COX7B2: variants seen among roughly 807,000 people sequenced by gnomAD.
COX7B2 encodes the protein cytochrome c oxidase subunit 7B2, also known as cytochrome c oxidase subunit 7B2, mitochondrial.
For synonymous variants in COX7B2, 37 were observed against 32.1 expected (o/e 1.15, Z -0.51); for missense variants, 109 against 95.9 (o/e 1.14, Z -0.57).
intron 2 of COX7B2, among the ~76,000 whole-genome samples, chr4:46,773,683 TG>T (rs1329246152): frequency 6.6e-6 from 1 of 152,162 alleles, no homozygotes; most frequent in Non-Finnish European, 1.5e-5. Context: ...GTTGCCTTGC[TG>T]GAATTTGAGC....
intron 1 of COX7B2, among the ~76,000 whole-genome samples, chr4:46,849,726 G>A (rs1716540780): frequency 6.6e-6 from 1 of 151,988 alleles, no homozygotes; most frequent in Non-Finnish European, 1.5e-5. Flanking sequence ...TAGGGTACAT[G>A]TGCACAACGT....
intron 2 of COX7B2, among the ~76,000 whole-genome samples, chr4:46,829,829 C>T (rs146656367): frequency 1.1e-4 from 16 of 152,184 alleles, no homozygotes; most frequent in Non-Finnish European, 2.2e-4. Context: ...CAAAATTAAA[C>T]TGAAGGGCAG....
intron 2 of COX7B2, among the ~76,000 whole-genome samples, chr4:46,814,497 T>G (rs369596166): frequency 6.6e-6 from 1 of 152,100 alleles, no homozygotes. Context: ...TATACAACAT[T>G]TATAGCCAAA....
chr4:46,825,944 AG>A (rs1352122757), intron 2 of COX7B2, among the ~76,000 whole-genome samples: 1 of 152,178 alleles, frequency 6.6e-6, no homozygotes, highest in African/African-American at 2.4e-5. Flanking sequence ...CAACCTAGGT[AG>A]TACCATCCTG....
intron 2 of COX7B2, among the ~76,000 whole-genome samples, chr4:46,753,969 T>C (rs1008462685): frequency 2.0e-5 from 3 of 152,280 alleles, no homozygotes; most frequent in African/African-American, 7.2e-5. Flanking sequence ...AAAATGCTCA[T>C]GATCACTGGC....
chr4:46,794,979 A>G (rs1392365185), intron 2 of COX7B2, among the ~76,000 whole-genome samples: 3 of 152,172 alleles, frequency 2.0e-5, no homozygotes, highest in Non-Finnish European at 4.4e-5. Flanking sequence ...CAGAACCCCT[A>G]GAATAAAGGA....
intron 2 of COX7B2, among the ~76,000 whole-genome samples, chr4:46,835,920 T>C (rs896557285): frequency 6.6e-6 from 1 of 152,184 alleles, no homozygotes; most frequent in Non-Finnish European, 1.5e-5. Flanking sequence ...CAGAATACTG[T>C]GGGCAACTAT....
At chr4:46,864,058 G>A (rs993586001) in intron 1 of COX7B2, among the ~76,000 whole-genome samples, 1 of 152,066 alleles carries the variant, frequency 6.6e-6, no homozygotes, top group Non-Finnish European at 1.5e-5. Context: ...TCAAGAATAT[G>A]GAAATAAAGC....
chr4:46,782,556 G>C (rs1717530925), intron 2 of COX7B2, among the ~76,000 whole-genome samples: 1 of 152,190 alleles, frequency 6.6e-6, no homozygotes, highest in South Asian at 2.1e-4. Flanking sequence ...GGCTGCCCAA[G>C]CGAGCAGCAG....
intron 1 of COX7B2, among the ~76,000 whole-genome samples, chr4:46,898,681 T>A (rs921170964): frequency 4.6e-5 from 7 of 152,124 alleles, no homozygotes; most frequent in Admixed American, 4.6e-4. Context: ...GGCCTCACCC[T>A]CCCAAAATGC....
rs73813713 is a variant in COX7B2, at chr4:46,820,340, C to T, written c.-50+24620G>A. Among the ~76,000 whole-genome samples the T allele has an allele frequency of 2.7e-3, 407 of 152,156 alleles. 3 individuals carry two copies. Among genetic ancestry groups the T allele is most frequent in the African/African-American group, 8.8e-3 (364 of 41,526 alleles). On this transcript the variant is annotated intron_variant, in intron 2 of 2. Coordinates refer to ENST00000355591, the MANE Select transcript of COX7B2 (RefSeq NM_130902.3). ...GAATCTAATGCCTCTGCTGATCTGA[C>T]GGGAGGTGGAACTCAGGCAATGACG...
At chr4:46,907,959 T>C (rs1285159336) in intron 1 of COX7B2, among the ~76,000 whole-genome samples, 1 of 147,574 alleles carries the variant, frequency 6.8e-6, no homozygotes, top group Non-Finnish European at 1.5e-5. Context: ...GTTCAAGCGA[T>C]TCTCCCGGCT....
chr4:46,827,479 A>C (rs1714776426), intron 2 of COX7B2, among the ~76,000 whole-genome samples: 1 of 152,142 alleles, frequency 6.6e-6, no homozygotes, highest in Admixed American at 6.5e-5. Flanking sequence ...GAGAAGGAAA[A>C]GTTTTTCAGC....
chr4:46,880,593 T>C (rs1296990336), intron 1 of COX7B2, among the ~76,000 whole-genome samples: 6 of 152,058 alleles, frequency 3.9e-5, no homozygotes, highest in African/African-American at 1.4e-4. Context: ...GTGTTCGTAG[T>C]AGTTTCTGAT....
intron 2 of COX7B2, among the ~76,000 whole-genome samples, chr4:46,738,940 A>T (rs1714537340): frequency 6.6e-6 from 1 of 152,114 alleles, no homozygotes; most frequent in South Asian, 2.1e-4. Flanking sequence ...CATCTATTAT[A>T]TGTAGTCATC....
chr4:46,841,849 C>A (rs999511569), intron 2 of COX7B2, among the ~76,000 whole-genome samples: 3 of 151,894 alleles, frequency 2.0e-5, no homozygotes, highest in Non-Finnish European at 4.4e-5. Flanking sequence ...TACAGGAAAT[C>A]TGGTATATAA....
At chr4:46,784,038 C>T (rs1717621366) in intron 2 of COX7B2, among the ~76,000 whole-genome samples, 1 of 152,182 alleles carries the variant, frequency 6.6e-6, no homozygotes. Context: ...AAAGCTCTAA[C>T]TCACTTGTTT....
intron 2 of COX7B2, among the ~76,000 whole-genome samples, chr4:46,806,178 C>A (rs1478420259): frequency 6.6e-6 from 1 of 151,956 alleles, no homozygotes; most frequent in African/African-American, 2.4e-5. Context: ...AAATATGCCC[C>A]TGCAATCTTC....
At chr4:46,888,791 T>C (rs771003836) in intron 1 of COX7B2, among the ~76,000 whole-genome samples, 1 of 152,188 alleles carries the variant, frequency 6.6e-6, no homozygotes, top group Non-Finnish European at 1.5e-5. Flanking sequence ...ACTTCCCTAC[T>C]GTGTTTTTAT....
Sources: allele counts gnomAD v4.1 joint callset (sites outside exome capture counted in the v4.1 genomes callset), GRCh38; gene constraint gnomAD v4.1.1; transcripts MANE v1.5; gene names NCBI Gene and HGNC (gene_info 2026-07-23, HGNC 2026-07-21).